The following CNTNAP3B variants were observed in gnomAD, a reference collection of about 807,000 sequenced individuals.
The protein encoded by CNTNAP3B is contactin-associated protein-like 3B.
Under a neutral mutation model 108.9 loss-of-function variants are expected in CNTNAP3B, and 25 were observed. The ratio of observed to expected loss-of-function variants is 0.23; its 90% CI spans 0.17 to 0.32. The LOEUF is 0.32. CNTNAP3B is among the 10% of genes least tolerant of loss of function. The pLI is 1.00. For synonymous variants in CNTNAP3B, 103 were observed against 473.4 expected, an observed-to-expected ratio of 0.22 and a Z score of 10.16; for missense variants, 252 against 1,210.4, an observed-to-expected ratio of 0.21 and a Z score of 11.75.
intron 13 of CNTNAP3B, among the ~76,000 whole-genome samples, chr9:41,938,947 T>C (rs1250844891): frequency 2.0e-5 from 3 of 152,180 alleles, no homozygotes; most frequent in Non-Finnish European, 4.4e-5. Flanking sequence ...GGTTAAGGAA[T>C]GACATTGATA....
chr9:42,035,242 TCC>T (rs1282290445), intron 3 of CNTNAP3B, among the ~76,000 whole-genome samples: 2 of 138,488 alleles, frequency 1.4e-5, no homozygotes, highest in East Asian at 4.4e-4. Flanking sequence ...ACCACAGTAA[TCC>T]CATAAGGCAG....
intron 14 of CNTNAP3B, among the ~76,000 whole-genome samples, chr9:41,937,053 T>A (rs1486955010): frequency 6.6e-6 from 1 of 150,484 alleles, no homozygotes; most frequent in African/African-American, 2.5e-5. Context: ...AGATTAGCTA[T>A]TTTATGTCCA....
chr9:41,940,796 C>T (rs1341990044), intron 13 of CNTNAP3B, among the ~76,000 whole-genome samples: 1 of 152,200 alleles, frequency 6.6e-6, no homozygotes, highest in African/African-American at 2.4e-5. Context: ...GCCAGGGCGA[C>T]AGAGTGAGAC....
intron 2 of CNTNAP3B, among the ~76,000 whole-genome samples, chr9:42,078,798 A>C (rs941723682): frequency 2.0e-5 from 3 of 149,338 alleles, no homozygotes; most frequent in African/African-American, 7.6e-5. Flanking sequence ...GACAGTGCAC[A>C]GATTTCTTTA....
chr9:41,963,143 A>C (rs1418395885), intron 11 of CNTNAP3B, among the ~76,000 whole-genome samples: 1 of 152,284 alleles, frequency 6.6e-6, no homozygotes, highest in Admixed American at 6.5e-5. Flanking sequence ...TGCATGTATG[A>C]AGTGTGGTTT....
chr9:41,943,356 T>G (rs1280964424), intron 13 of CNTNAP3B, among the ~76,000 whole-genome samples: 1 of 149,460 alleles, frequency 6.7e-6, no homozygotes, highest in African/African-American at 2.5e-5. Context: ...TTTTTTTTTT[T>G]TTTTTTTTTT....
intron 3 of CNTNAP3B, among the ~76,000 whole-genome samples, chr9:42,029,556 A>G (rs1587211405): frequency 8.7e-6 from 1 of 115,244 alleles, no homozygotes. Flanking sequence ...TTTCAGATGG[A>G]GTCTTGCTCT....
intron 14 of CNTNAP3B, among the ~76,000 whole-genome samples, chr9:41,931,473 C>A (rs1036200438): frequency 1.3e-5 from 2 of 152,288 alleles, no homozygotes; most frequent in African/African-American, 4.8e-5. Context: ...GACTAGGTAT[C>A]AAACTTTCAA....
At chr9:41,943,042 T>G (rs200854585) in intron 13 of CNTNAP3B, among the ~76,000 whole-genome samples, 3 of 152,244 alleles carry the variant, frequency 2.0e-5, no homozygotes, top group African/African-American at 7.2e-5. Flanking sequence ...TTTGGAAATA[T>G]CAGATAAGGA....
chr9:41,945,987 T>C (rs1328019396), intron 13 of CNTNAP3B, among the ~76,000 whole-genome samples: 2 of 152,274 alleles, frequency 1.3e-5, no homozygotes, highest in Non-Finnish European at 2.9e-5. Context: ...TTATCAGAGA[T>C]GAAAAAGGGC....
intron 13 of CNTNAP3B, among the ~76,000 whole-genome samples, chr9:41,947,738 A>C (rs1177103147): frequency 6.6e-5 from 10 of 152,170 alleles, no homozygotes; most frequent in Non-Finnish European, 1.5e-4. Flanking sequence ...CAAGAAACGA[A>C]AATCTAGTTC....
chr9:41,959,589 A>C (rs1824996256), intron 12 of CNTNAP3B, among the ~76,000 whole-genome samples: 1 of 152,294 alleles, frequency 6.6e-6, no homozygotes, highest in Non-Finnish European at 1.5e-5. Context: ...CTTTGCTTTC[A>C]TTGTTTGAGT....
chr9:41,925,168 A>T lies in CNTNAP3B; in HGVS notation c.2366-1075T>A, dbSNP rs1320328205. Among the ~76,000 whole-genome samples the T allele has an allele frequency of 1.2e-4, 18 of 150,210 alleles. No individual in the cohort carries two copies. The East Asian group carries it at 3.1e-3, about 26-fold the overall frequency. ...GAAACACAACTTTACCCAGTTTAAA[A>T]TTTTTTCATCCAATGGTTTTACAAT... On this transcript the variant is annotated intron_variant, in intron 15 of 23. Transcript: ENST00000377561.
At chr9:42,081,227 C>G (rs1022249213) in intron 2 of CNTNAP3B, among the ~76,000 whole-genome samples, 1 of 139,266 alleles carries the variant, frequency 7.2e-6, no homozygotes, top group African/African-American at 2.8e-5. Context: ...GCTTGAGGAA[C>G]AGCAGATGTT....
At chr9:42,124,048 A>G (rs1828515869) in intron 1 of CNTNAP3B, among the ~76,000 whole-genome samples, 1 of 135,984 alleles carries the variant, frequency 7.4e-6, no homozygotes, top group African/African-American at 3.0e-5. Flanking sequence ...TACATACTAG[A>G]CCACGTCTTC....
chr9:41,925,576 G>C (rs1397558442), intron 15 of CNTNAP3B, among the ~76,000 whole-genome samples: 2 of 151,308 alleles, frequency 1.3e-5, no homozygotes, highest in African/African-American at 2.4e-5. Flanking sequence ...CTGCGCAACA[G>C]AGCGAGACTC....
At chr9:42,076,284 A>G (rs1228617483) in intron 3 of CNTNAP3B, among the ~76,000 whole-genome samples, 2 of 125,570 alleles carry the variant, frequency 1.6e-5, no homozygotes, top group African/African-American at 3.3e-5. Context: ...AAATTAGCCA[A>G]GTGTGGTGGC....
chr9:42,089,447 A>G (rs1294861578), intron 2 of CNTNAP3B, among the ~76,000 whole-genome samples: 2 of 136,730 alleles, frequency 1.5e-5, no homozygotes, highest in Non-Finnish European at 3.1e-5. Context: ...TAAGTAGTTA[A>G]AGATCGCATA....
At chr9:41,925,662 T>G (rs1387603047) in intron 15 of CNTNAP3B, among the ~76,000 whole-genome samples, 2 of 152,208 alleles carry the variant, frequency 1.3e-5, no homozygotes, top group Non-Finnish European at 1.5e-5. Context: ...TTTGTGTATT[T>G]ATCCATTTGT....
Sources: gnomAD v4.1 joint callset for allele counts (sites outside exome capture counted in the v4.1 genomes callset) on GRCh38, gnomAD v4.1.1 for gene constraint, MANE v1.5 for transcripts, NCBI Gene and HGNC (gene_info 2026-07-23, HGNC 2026-07-21) for gene names.